Variants in ARHGAP24 observed in about 807,000 individuals in gnomAD.
The protein encoded by ARHGAP24 is Rho GTPase activating protein 24.
A neutral mutation model predicts 76.4 loss-of-function variants in ARHGAP24; 50 were observed. That is an observed-to-expected ratio of 0.65 (90% CI 0.52 to 0.83). ARHGAP24 has a LOEUF of 0.83. Ranked by LOEUF, ARHGAP24 falls within the 40% of genes least tolerant of loss-of-function variation. The probability of loss-of-function intolerance (pLI) is 0.00; values close to 1 mark genes in which losing one functional copy is unlikely to be tolerated. For synonymous variants in ARHGAP24, 345 were observed against 323.3 expected (o/e 1.07, Z -0.72); for missense variants, 930 against 914.2 (o/e 1.02, Z -0.22).
intron 2 of ARHGAP24, among the ~76,000 whole-genome samples, chr4:85,573,403 T>A (rs1194113182): frequency 6.6e-6 from 1 of 152,090 alleles, no homozygotes; most frequent in Non-Finnish European, 1.5e-5. Flanking sequence ...ATAGACCAAG[T>A]GAGAGTAGAT....
intron 5 of ARHGAP24, among the ~76,000 whole-genome samples, chr4:85,948,920 A>C (rs28563157): frequency 0.013 from 1,904 of 152,254 alleles, 32 homozygotes; most frequent in African/African-American, 0.043. Flanking sequence ...GAGTTTCTCA[A>C]AATTCTAAAA....
chr4:85,555,114 G>C (rs999548896), intron 1 of ARHGAP24, among the ~76,000 whole-genome samples: 3 of 152,110 alleles, frequency 2.0e-5, no homozygotes, highest in African/African-American at 4.8e-5. Context: ...ATTCTGATTT[G>C]TATTTCTTTC....
At chr4:85,653,692 C>T (rs1722031810) in intron 2 of ARHGAP24, among the ~76,000 whole-genome samples, 1 of 152,034 alleles carries the variant, frequency 6.6e-6, no homozygotes, top group Non-Finnish European at 1.5e-5. Context: ...ACCATGTTGG[C>T]CAGGCTGGCC....
chr4:85,974,988 A>T (rs746204493), intron 7 of ARHGAP24, 27 bp downstream of exon 7: 2 of 1,590,926 alleles, frequency 1.3e-6, no homozygotes, highest in Non-Finnish European at 1.7e-6. Flanking sequence ...GGACAAACGT[A>T]AACAAGACAA....
chr4:85,696,482 T>C (rs752615771), intron 2 of ARHGAP24, among the ~76,000 whole-genome samples: 1 of 152,190 alleles, frequency 6.6e-6, no homozygotes, highest in Non-Finnish European at 1.5e-5. Context: ...TACAATCCTA[T>C]CTAGAATTCA....
intron 2 of ARHGAP24, among the ~76,000 whole-genome samples, chr4:85,662,543 T>C (rs1335380038): frequency 1.3e-5 from 2 of 151,800 alleles, no homozygotes; most frequent in East Asian, 1.9e-4. Context: ...TTGTCAATTT[T>C]GTCTTTTTTT....
At chr4:85,699,145 T>C (rs1400098944) in intron 2 of ARHGAP24, among the ~76,000 whole-genome samples, 1 of 152,228 alleles carries the variant, frequency 6.6e-6, no homozygotes, top group African/African-American at 2.4e-5. Context: ...ATCTATTCTT[T>C]GCTTTTTCCC....
intron 2 of ARHGAP24, among the ~76,000 whole-genome samples, chr4:85,690,065 T>G (rs1384921459): frequency 6.6e-6 from 1 of 152,228 alleles, no homozygotes; most frequent in Non-Finnish European, 1.5e-5. Flanking sequence ...GTTTTTATCA[T>G]GAAGGGATGT....
In ARHGAP24 at chr4:85,495,842, C is replaced by T. The variant is rs72654054; in HGVS notation, c.-21+20283C>T. On this transcript the variant is annotated intron_variant, in intron 1 of 9. Coordinates refer to ENST00000395184, the MANE Select transcript of ARHGAP24 (RefSeq NM_001025616.3). ...AGTGATTCAGTGCTCAGCTGTCTCT[C>T]CTTAGCTGTAATTTATGACTGTCAG... 7.2e-3 allele frequency among the ~76,000 whole-genome samples: 1,091 copies of T among 152,196 alleles called. 10 individuals are homozygous for T. Among genetic ancestry groups the T allele is most frequent in the Non-Finnish European group, 0.01 (680 of 67,994 alleles).
At chr4:85,485,379 ATATATATATATATATATAT>A (rs1723005895) in intron 1 of ARHGAP24, among the ~76,000 whole-genome samples, 3 of 20,064 alleles carry the variant, frequency 1.5e-4, no homozygotes, top group African/African-American at 6.5e-4. Flanking sequence ...AAAAAAAAAT[ATATATATATATATATATAT>A]ATATATATAT....
chr4:85,826,776 A>G (rs1563000), intron 3 of ARHGAP24, among the ~76,000 whole-genome samples: 16,447 of 152,220 alleles, frequency 0.11, 1,007 homozygotes, highest in South Asian at 0.2. Context: ...CAAAACTGAC[A>G]CCTAGGAGGT....
At chr4:85,852,400 C>T (rs1342655774) in intron 3 of ARHGAP24, among the ~76,000 whole-genome samples, 1 of 152,144 alleles carries the variant, frequency 6.6e-6, no homozygotes, top group Non-Finnish European at 1.5e-5. Context: ...GAATATCCTC[C>T]TTTAGCTCAG....
chr4:85,620,350 C>T (rs1169150075), intron 2 of ARHGAP24, among the ~76,000 whole-genome samples: 3 of 151,804 alleles, frequency 2.0e-5, no homozygotes, highest in Non-Finnish European at 2.9e-5. Context: ...ATCTGTTCAG[C>T]TTTTCTATTT....
In ARHGAP24 at chr4:85,534,723, G is replaced by A. The variant is rs1310633913; in HGVS notation, c.-20-35799G>A. Among the ~76,000 whole-genome samples, 3 of 152,164 alleles carry A rather than the reference G, an allele frequency of 2.0e-5. No individual in the cohort carries two copies. In the East Asian group the frequency reaches 5.8e-4, roughly 29 times the overall value. ...CTGTGCATAATATTATTTGTTCAAAGCCTCTAGTTGCCTATTTCAGACAGA... is the reference window on the plus strand; with the variant it reads ...CTGTGCATAATATTATTTGTTCAAAACCTCTAGTTGCCTATTTCAGACAGA... On this transcript the variant is annotated intron_variant, in intron 1 of 9. Coordinates refer to ENST00000395184, the MANE Select transcript of ARHGAP24 (RefSeq NM_001025616.3).
chr4:85,667,406 CT>C (rs1285202074), intron 2 of ARHGAP24, among the ~76,000 whole-genome samples: 1 of 152,110 alleles, frequency 6.6e-6, no homozygotes, highest in Non-Finnish European at 1.5e-5. Context: ...TCTGTCACCC[CT>C]GTCTTTGACT....
At chr4:85,958,647 G>GCC (rs1317729167) in intron 5 of ARHGAP24, among the ~76,000 whole-genome samples, 3 of 152,118 alleles carry the variant, frequency 2.0e-5, no homozygotes, top group African/African-American at 7.2e-5. Context: ...ATCCCTTAAA[G>GCC]TCATGTTTTT....
chr4:85,598,572 T>G (rs1316675698), intron 2 of ARHGAP24, among the ~76,000 whole-genome samples: 1 of 152,082 alleles, frequency 6.6e-6, no homozygotes, highest in Admixed American at 6.6e-5. Flanking sequence ...CTTGAAATTA[T>G]TATTTGAAAA....
At chr4:85,874,941 TATATTTTTATATA>T (rs1732778056) in intron 3 of ARHGAP24, among the ~76,000 whole-genome samples, 1 of 106,850 alleles carries the variant, frequency 9.4e-6, no homozygotes, top group African/African-American at 3.8e-5. Context: ...TTATATATAA[TATATTTTTATATA>T]ATTTATATAT....
At chr4:85,708,028 G>T (rs567284114) in intron 2 of ARHGAP24, among the ~76,000 whole-genome samples, 5 of 152,114 alleles carry the variant, frequency 3.3e-5, no homozygotes, top group Non-Finnish European at 7.3e-5. Context: ...CTAGTTTTAG[G>T]TCAGAGGATT....
Sources: gnomAD v4.1 joint callset for allele counts (sites outside exome capture counted in the v4.1 genomes callset) on GRCh38, gnomAD v4.1.1 for gene constraint, MANE v1.5 for transcripts, NCBI Gene and HGNC (gene_info 2026-07-23, HGNC 2026-07-21) for gene names.